CNTNAP3: variants seen among roughly 807,000 people sequenced by gnomAD.
The protein encoded by CNTNAP3 is contactin-associated protein-like 3.
In CNTNAP3, 36 loss-of-function variants were observed where a neutral mutation model predicts 92.1. The ratio of observed to expected loss-of-function variants is 0.39; its 90% CI spans 0.30 to 0.52. CNTNAP3 has a LOEUF of 0.52. Among genes scored for constraint, CNTNAP3 ranks in the 20% least tolerant of loss-of-function variants. The pLI is 0.76. For synonymous variants in CNTNAP3, 232 were observed against 422.3 expected (o/e 0.55, Z 5.53); for missense variants, 534 against 1,069.6 (o/e 0.50, Z 6.98).
At chr9:39,106,424 A>G (rs1692858) in intron 15 of CNTNAP3, 16 of 151,036 alleles carry the variant, frequency 1.1e-4, no homozygotes, top group Non-Finnish European at 1.9e-4. Context: ...CCTAGTTGCT[A>G]GGACTACAGG....
In CNTNAP3 at chr9:39,079,416, A is replaced by AT. The variant is rs534649560; in HGVS notation, c.3443-497dup. Among the ~76,000 whole-genome samples, 823 of 140,848 alleles carry AT rather than the reference A, an allele frequency of 5.8e-3. 11 individuals carry two copies. The South Asian group carries it at 0.084, about 14-fold the overall frequency. The allele number at this position is 140,848 out of a possible 152,430, so 92.4% of individuals were successfully genotyped here. A position where few individuals can be genotyped will look rare whatever the true frequency, so the allele number is the denominator to read the frequency against. ...AAACTGTATCTTTTGTCATCAGATAATATCCCTCTTTATCTCATTTAAGAT... is the reference window on the plus strand; with the variant it reads ...AAACTGTATCTTTTGTCATCAGATAATTATCCCTCTTTATCTCATTTAAGAT... On this transcript the variant is annotated intron_variant, in intron 21 of 23. Transcript: ENST00000297668.
chr9:39,082,680 A>AC (rs1014980210), intron 21 of CNTNAP3, among the ~76,000 whole-genome samples: 8 of 152,240 alleles, frequency 5.3e-5, no homozygotes, highest in African/African-American at 1.9e-4. Flanking sequence ...TAAGGTCATG[A>AC]CCCCCTCCAG....
intron 23 of CNTNAP3, among the ~76,000 whole-genome samples, chr9:39,077,029 CTAAA>C (rs1314224588): frequency 1.3e-5 from 2 of 152,292 alleles, no homozygotes; most frequent in African/African-American, 4.8e-5. Context: ...TGCACCAGCT[CTAAA>C]TAAATTATAT....
chr9:39,141,818 G>T (rs1293135233), intron 11 of CNTNAP3, among the ~76,000 whole-genome samples: 3 of 151,942 alleles, frequency 2.0e-5, no homozygotes, highest in Non-Finnish European at 4.4e-5. Context: ...TGAATTTTTT[G>T]GCTTTTTAAA....
At position 39,248,991 on chromosome 9, in the gene CNTNAP3, CA is replaced by C. The variant is rs893687807; in HGVS notation, c.197-9806del. Among the ~76,000 whole-genome samples the C allele has an allele frequency of 8.2e-4, 14 of 17,018 alleles. 1 individual carries two copies. Among genetic ancestry groups the C allele is most frequent in the African/African-American group, 1.1e-3 (14 of 12,964 alleles). The allele number at this position is 17,018 out of a possible 152,430, so 11.2% of individuals were successfully genotyped here. A position where few individuals can be genotyped will look rare whatever the true frequency, so the allele number is the denominator to read the frequency against. On this transcript the variant is annotated intron_variant, in intron 2 of 23. Coordinates refer to ENST00000297668, the MANE Select transcript of CNTNAP3 (RefSeq NM_033655.5). ...ATGCTTTTACTTTTTAAGAAACTGC[CA>C]AACTATTCTCCAAGGTGGTGGCACC...
intron 9 of CNTNAP3, chr9:39,159,474 C>A (rs1344329090): frequency 3.0e-5 from 4 of 131,976 alleles, no homozygotes. Context: ...AGGCACCTGC[C>A]ATCATGCCCG....
At chr9:39,202,206 T>C (rs1447992482) in intron 3 of CNTNAP3, among the ~76,000 whole-genome samples, 1 of 34,122 alleles carries the variant, frequency 2.9e-5, no homozygotes, top group African/African-American at 4.8e-5. Flanking sequence ...TAACTTCATC[T>C]CTAATGTGGT....
intron 16 of CNTNAP3, 38 bp from the exon 17 acceptor site, chr9:39,102,753 C>G: frequency 1.4e-6 from 1 of 712,596 alleles, no homozygotes; most frequent in Non-Finnish European, 2.4e-6. Context: ...CAAGCAAATT[C>G]ACAGAAAATT....
At chr9:39,090,834 A>C (rs1280201706) in intron 18 of CNTNAP3, among the ~76,000 whole-genome samples, 6 of 152,302 alleles carry the variant, frequency 3.9e-5, no homozygotes, top group African/African-American at 7.2e-5. Flanking sequence ...GACATGAAAT[A>C]TCTCTCCATT....
In CNTNAP3 at chr9:39,103,777, C is replaced by T. The variant is rs530445186; in HGVS notation, c.2503G>A (p.Gly835Arg). Residue 835 changes from glycine (G) to arginine (R), a missense_variant, in exon 16 of 24, where the codon GGG becomes AGG. Gly to Arg is a moderately radical substitution (Grantham distance 125). Transcript: ENST00000297668. ...VSSGVFMENL[G>R]ITDFIRIELR... ...TCAATCCTGATGAAATCTGTGATCC[C>T]CAGGTTCTCCATAAACACCCCGGAG... The T allele has an allele frequency of 2.5e-6, 4 of 1,610,910 alleles. No homozygotes were observed. The highest frequency in any genetic ancestry group is 3.4e-6 in the Non-Finnish European group (4 of 1,179,764).
In CNTNAP3 at chr9:39,148,339, A is replaced by G. The variant is rs1222108130; in HGVS notation, c.1649+1467T>C. 2.6e-5 allele frequency among the ~76,000 whole-genome samples: 4 copies of G among 152,220 alleles called. 1 individual carries two copies. The highest frequency in any genetic ancestry group is 9.6e-5 in the African/African-American group (4 of 41,452). On this transcript the variant is annotated intron_variant, in intron 10 of 23. Transcript: ENST00000297668. ...ATTCCATGCTGAATAAATACAGTCC[A>G]TATGAATGAACTTTTCATTTAGTAG...
intron 18 of CNTNAP3, among the ~76,000 whole-genome samples, chr9:39,095,048 A>C (rs1254990304): frequency 1.4e-5 from 2 of 144,722 alleles, no homozygotes; most frequent in Non-Finnish European, 3.1e-5. Flanking sequence ...TAAGTCTTTC[A>C]CTTTCTCGGT....
In CNTNAP3 at chr9:39,103,929, G is replaced by T. The variant is rs1264438375; in HGVS notation, c.2366-15C>A. ...CCAGAATGACTCTGTTTACAATAGAGAAAACGACAAAAGGAAAAAAAGTCA... is the reference window on the plus strand; with the variant it reads ...CCAGAATGACTCTGTTTACAATAGATAAAACGACAAAAGGAAAAAAAGTCA... On this transcript the variant is annotated splice_polypyrimidine_tract_variant and intron_variant, in intron 15 of 23. Coordinates refer to ENST00000297668, the MANE Select transcript of CNTNAP3 (RefSeq NM_033655.5). 4.5e-6 allele frequency: 7 copies of T among 1,562,716 alleles called. No individual in the cohort carries two copies. The highest frequency in any genetic ancestry group is 6.0e-6 in the Non-Finnish European group (7 of 1,161,094).
intron 10 of CNTNAP3, among the ~76,000 whole-genome samples, chr9:39,146,581 CGGGA>C (rs1821705466): frequency 6.6e-6 from 1 of 152,040 alleles, no homozygotes; most frequent in Non-Finnish European, 1.5e-5. Context: ...TCCAGCTACT[CGGGA>C]GGCTGAGGCA....
intron 15 of CNTNAP3, among the ~76,000 whole-genome samples, chr9:39,108,462 G>A (rs1259486706): frequency 6.6e-6 from 1 of 152,178 alleles, no homozygotes; most frequent in African/African-American, 2.4e-5. Context: ...TCTCTCAGAA[G>A]TAGCCTCCAC....
In CNTNAP3 at chr9:39,072,556, A is replaced by G. The variant is rs1825652300; in HGVS notation, c.*1334T>C. On this transcript the variant is annotated 3_prime_UTR_variant, in exon 24 of 24. Transcript: ENST00000297668. ...TGAGACATGTTCCAGTTAACTGCACATATTCAATTTTGGGTAATCTATGGG... is the reference window on the plus strand; with the variant it reads ...TGAGACATGTTCCAGTTAACTGCACGTATTCAATTTTGGGTAATCTATGGG... Among the ~76,000 whole-genome samples, 1 of 151,862 alleles carries G rather than the reference A, an allele frequency of 6.6e-6. No individual in the cohort carries two copies. Among genetic ancestry groups the G allele is most frequent in the Non-Finnish European group, 1.5e-5 (1 of 67,992 alleles).
intron 13 of CNTNAP3, among the ~76,000 whole-genome samples, chr9:39,131,643 C>T (rs1251761599): frequency 2.6e-5 from 4 of 152,182 alleles, no homozygotes; most frequent in Non-Finnish European, 2.9e-5. Flanking sequence ...CTGACCAACA[C>T]GGTGAAACCC....
At chr9:39,129,158 C>T (rs1435911718) in intron 13 of CNTNAP3, among the ~76,000 whole-genome samples, 1 of 152,038 alleles carries the variant, frequency 6.6e-6, no homozygotes, top group Non-Finnish European at 1.5e-5. Flanking sequence ...AAAATTTATA[C>T]AGAATGAGGC....
At chr9:39,158,755 G>A (rs113163058) in intron 9 of CNTNAP3, among the ~76,000 whole-genome samples, 1,068 of 22,494 alleles carry the variant, frequency 0.047, 59 homozygotes, top group Middle Eastern at 0.083. Flanking sequence ...GGGAGGTGGC[G>A]TCAGGGAGGA....
Sources: gnomAD v4.1 joint callset for allele counts (sites outside exome capture counted in the v4.1 genomes callset) on GRCh38, gnomAD v4.1.1 for gene constraint, MANE v1.5 for transcripts, NCBI Gene and HGNC (gene_info 2026-07-23, HGNC 2026-07-21) for gene names.